The following KDM6A variants were observed in gnomAD, a reference collection of about 807,000 sequenced individuals.
The protein encoded by KDM6A is lysine demethylase 6A.
KDM6A carries 11 observed loss-of-function variants against 117.6 expected under a neutral mutation model. That is an observed-to-expected ratio of 0.09 (90% CI 0.06 to 0.15). The LOEUF is 0.15. KDM6A is among the 10% of genes least tolerant of loss of function. The pLI is 1.00. For synonymous variants in KDM6A, 384 were observed against 396.1 expected (o/e 0.97, Z 0.36); for missense variants, 799 against 1,077.3 (o/e 0.74, Z 3.62).
At chrX:44,922,748 C>T (rs1004061689) in intron 2 of KDM6A, among the ~76,000 whole-genome samples, 4 of 112,827 alleles carry the variant, frequency 3.5e-5, no homozygotes, top group African/African-American at 1.3e-4. Context: ...GGATTACAGG[C>T]GTGAGCCACT....
chrX:45,019,270 T>C (rs964189125), intron 5 of KDM6A, among the ~76,000 whole-genome samples: 1 of 111,065 alleles, frequency 9.0e-6, no homozygotes, highest in East Asian at 2.8e-4. Flanking sequence ...ATAACACACA[T>C]ACCCCACCTA....
chrX:44,908,515 G>A (rs1326954231), intron 2 of KDM6A, among the ~76,000 whole-genome samples: 1 of 111,707 alleles, frequency 9.0e-6, no homozygotes, highest in Non-Finnish European at 1.9e-5. Context: ...CAACCCAAGG[G>A]CCTGTATATG....
At chrX:45,061,272 G>C (rs775595006) in intron 14 of KDM6A, 52 bp from the exon 15 acceptor site, 18 of 709,599 alleles carry the variant, frequency 2.5e-5, no homozygotes, top group Non-Finnish European at 3.7e-5. Context: ...ATTATTAACT[G>C]TGGATTTAAC....
intron 28 of KDM6A, among the ~76,000 whole-genome samples, chrX:45,109,198 T>C (rs772459062): frequency 2.4e-3 from 265 of 108,687 alleles, no homozygotes; most frequent in African/African-American, 8.5e-3. Flanking sequence ...AAAAAGTTAT[T>C]TTAAGGCCTA....
intron 2 of KDM6A, among the ~76,000 whole-genome samples, chrX:44,925,838 T>G (rs1181526915): frequency 2.7e-5 from 3 of 111,919 alleles, no homozygotes; most frequent in East Asian, 5.6e-4. Flanking sequence ...TTTTAATTGG[T>G]TTTTACAACA....
intron 18 of KDM6A, among the ~76,000 whole-genome samples, chrX:45,075,526 T>A (rs1267085738): frequency 8.9e-6 from 1 of 111,747 alleles, no homozygotes; most frequent in Non-Finnish European, 1.9e-5. Context: ...TAAATGTAAA[T>A]CATTCCTTTG....
intron 8 of KDM6A, among the ~76,000 whole-genome samples, chrX:45,042,761 A>G (rs1265440775): frequency 1.9e-5 from 2 of 106,807 alleles, no homozygotes; most frequent in Non-Finnish European, 3.8e-5. Context: ...ACTTCTCTAC[A>G]TAGGAAGAAG....
intron 8 of KDM6A, among the ~76,000 whole-genome samples, chrX:45,038,158 G>A (rs1341723502): frequency 9.0e-6 from 1 of 111,382 alleles, no homozygotes; most frequent in East Asian, 2.8e-4. Context: ...GGGAGGTGGA[G>A]GTTGCAGTGA....
At chrX:44,954,820 G>T (rs1015052414) in intron 2 of KDM6A, among the ~76,000 whole-genome samples, 1 of 111,358 alleles carries the variant, frequency 9.0e-6, no homozygotes, top group Non-Finnish European at 1.9e-5. Context: ...TATGAGTTGG[G>T]CTGTAGAAAC....
intron 2 of KDM6A, among the ~76,000 whole-genome samples, chrX:44,955,787 T>G (rs1266500569): frequency 9.0e-6 from 1 of 111,657 alleles, no homozygotes; most frequent in Non-Finnish European, 1.9e-5. Flanking sequence ...CTAAAAACCA[T>G]AATTCTTTTT....
At chrX:44,931,727 G>A (rs1192684977) in intron 2 of KDM6A, among the ~76,000 whole-genome samples, 3 of 111,714 alleles carry the variant, frequency 2.7e-5, no homozygotes, top group African/African-American at 9.8e-5. Context: ...GAGGATTAGT[G>A]TTTGATGTGT....
At chrX:45,059,200 A>G (rs761451146) in intron 11 of KDM6A, 47 bp from the exon 12 acceptor site, 2 of 1,184,673 alleles carry the variant, frequency 1.7e-6, no homozygotes, top group African/African-American at 1.8e-5. Flanking sequence ...TATAAAACCA[A>G]GCAGTTCTTC....
intron 2 of KDM6A, among the ~76,000 whole-genome samples, chrX:44,911,503 C>T (rs1248944833): frequency 1.8e-5 from 2 of 109,157 alleles, no homozygotes; most frequent in Admixed American, 9.7e-5. Flanking sequence ...ACTTCCTGGA[C>T]GGGATGGCGG....
intron 2 of KDM6A, among the ~76,000 whole-genome samples, chrX:44,959,849 C>T (rs2038571331): frequency 9.0e-6 from 1 of 111,225 alleles, no homozygotes; most frequent in Non-Finnish European, 1.9e-5. Flanking sequence ...TATAGGGAAG[C>T]AGAAAGATTA....
At chrX:45,050,271 C>T (rs1460298603) in intron 8 of KDM6A, among the ~76,000 whole-genome samples, 2 of 112,479 alleles carry the variant, frequency 1.8e-5, no homozygotes, top group Non-Finnish European at 3.8e-5. Flanking sequence ...ACCCGGGAGG[C>T]GGAGGTTGCA....
intron 3 of KDM6A, among the ~76,000 whole-genome samples, chrX:44,974,339 A>T (rs982906378): frequency 1.8e-5 from 2 of 111,331 alleles, no homozygotes; most frequent in African/African-American, 6.5e-5. Flanking sequence ...TGATCAGAAA[A>T]ATATTATGCC....
chrX:44,934,960 T>C (rs966937773), intron 2 of KDM6A, among the ~76,000 whole-genome samples: 2 of 111,785 alleles, frequency 1.8e-5, no homozygotes, highest in African/African-American at 6.5e-5. Context: ...GCAAGGATTT[T>C]GTAAGGGTGT....
At chrX:44,995,496 G>A (rs1211219596) in intron 4 of KDM6A, among the ~76,000 whole-genome samples, 1 of 110,508 alleles carries the variant, frequency 9.0e-6, no homozygotes, top group African/African-American at 3.3e-5. Flanking sequence ...TTGAGACGGA[G>A]TCTTGCTCTG....
intron 2 of KDM6A, among the ~76,000 whole-genome samples, chrX:44,882,090 A>G (rs1275196415): frequency 1.8e-5 from 2 of 111,994 alleles, no homozygotes; most frequent in Non-Finnish European, 3.8e-5. Flanking sequence ...AAGGTCATCT[A>G]ATTCATTTTA....
Sources: allele counts gnomAD v4.1 joint callset (sites outside exome capture counted in the v4.1 genomes callset), GRCh38; gene constraint gnomAD v4.1.1; transcripts MANE v1.5; gene names NCBI Gene and HGNC (gene_info 2026-07-23, HGNC 2026-07-21).